The following ZNF423 variants were observed in gnomAD, a reference collection of about 807,000 sequenced individuals.
ZNF423 encodes zinc finger protein 423.
Under a neutral mutation model 95.8 loss-of-function variants are expected in ZNF423, and 12 were observed. The observed-to-expected ratio is 0.13, with a 90% CI of 0.08 to 0.20. The LOEUF (loss-of-function observed/expected upper bound fraction) is 0.20, where lower values mean the gene tolerates loss of function less well. Among genes scored for constraint, ZNF423 ranks in the 10% least tolerant of loss-of-function variants. The probability of loss-of-function intolerance (pLI) is 1.00; values close to 1 mark genes in which losing one functional copy is unlikely to be tolerated. For synonymous variants in ZNF423, 749 were observed against 711.9 expected (o/e 1.05, Z -0.83); for missense variants, 1,316 against 1,737.1 (o/e 0.76, Z 4.31).
chr16:49,679,388 G>A lies in ZNF423; in HGVS notation c.302-40514C>T, dbSNP rs529772599. Among the ~76,000 whole-genome samples, 7 of 152,334 alleles carry A rather than the reference G, an allele frequency of 4.6e-5. No homozygotes were observed. In the East Asian group the frequency reaches 1.4e-3, roughly 29 times the overall value. On this transcript the variant is annotated intron_variant, in intron 3 of 7. Transcript: ENST00000563137. ...CAGCCACCTAGCTCTTGGGAGCCTG[G>A]GAGGCCCCCCTCTCCTGTCCTCACA...
intron 2 of ZNF423, among the ~76,000 whole-genome samples, chr16:49,743,757 GC>G (rs763202559): frequency 2.6e-5 from 4 of 152,016 alleles, no homozygotes; most frequent in Non-Finnish European, 5.9e-5. Context: ...CTCCAGGTGG[GC>G]CTGGAGGGCC....
chr16:49,586,553 G>A (rs924135615), intron 5 of ZNF423, among the ~76,000 whole-genome samples: 4 of 152,220 alleles, frequency 2.6e-5, no homozygotes, highest in Admixed American at 6.5e-5. Flanking sequence ...GCATCTGCAC[G>A]AGGGAAATTA....
Position 49,714,625 on chromosome 16 carries a change from G to GAAA in ZNF423, c.301+16143_301+16145dup, listed in dbSNP as rs113583035. Among the ~76,000 whole-genome samples, 370 of 138,634 alleles carry GAAA rather than the reference G, an allele frequency of 2.7e-3. 2 individuals are homozygous for GAAA. Among genetic ancestry groups the GAAA allele is most frequent in the African/African-American group, 8.1e-3 (300 of 37,046 alleles). The allele number at this position is 138,634 out of a possible 152,430, so 90.9% of individuals were successfully genotyped here. ...CTCGCCACTGCACTCCAGCCTGGGA[G>GAAA]AAAAAAAAAAAAAACTGATGAGGCC... is the stretch of plus-strand genomic sequence containing the variant. On this transcript the variant is annotated intron_variant, in intron 3 of 7. Transcript: ENST00000563137.
intron 1 of ZNF423, among the ~76,000 whole-genome samples, chr16:49,813,752 A>T (rs1421783040): frequency 6.6e-6 from 1 of 152,184 alleles, no homozygotes; most frequent in East Asian, 1.9e-4. Flanking sequence ...TGTCACCTGC[A>T]CCACTGAACC....
At chr16:49,642,676 C>T (rs564176100) in intron 3 of ZNF423, among the ~76,000 whole-genome samples, 14 of 152,296 alleles carry the variant, frequency 9.2e-5, no homozygotes, top group African/African-American at 3.4e-4. Context: ...ATCCCACCCC[C>T]TCCAAATGCA....
At chr16:49,506,976 T>A (rs1293137003) in intron 7 of ZNF423, among the ~76,000 whole-genome samples, 4 of 151,716 alleles carry the variant, frequency 2.6e-5, no homozygotes, top group African/African-American at 9.7e-5. Flanking sequence ...GGAAGAGGAG[T>A]GCATGAATAA....
upstream of ZNF423, among the ~76,000 whole-genome samples, chr16:49,856,473 A>G (rs1256759541): frequency 6.7e-6 from 1 of 150,288 alleles, no homozygotes. Context: ...GCCGCACAAA[A>G]AAAAATAATA....
At chr16:49,815,187 G>A (rs149845326) in intron 1 of ZNF423, among the ~76,000 whole-genome samples, 1 of 152,248 alleles carries the variant, frequency 6.6e-6, no homozygotes, top group African/African-American at 2.4e-5. Context: ...CTTAGTGGGA[G>A]AATAGGCTGC....
chr16:49,510,844 G>A (rs950162828), intron 7 of ZNF423, among the ~76,000 whole-genome samples: 18 of 152,210 alleles, frequency 1.2e-4, no homozygotes, highest in Non-Finnish European at 2.2e-4. Flanking sequence ...GGAGGGGTTC[G>A]GCTCGCCACA....
chr16:49,542,143 G>C (rs1463787656), intron 5 of ZNF423, among the ~76,000 whole-genome samples: 1 of 152,180 alleles, frequency 6.6e-6, no homozygotes, highest in Non-Finnish European at 1.5e-5. Flanking sequence ...CTTCAGACCA[G>C]AGATTCCCAG....
chr16:49,801,923 A>G (rs193193614), intron 1 of ZNF423, among the ~76,000 whole-genome samples: 283 of 152,284 alleles, frequency 1.9e-3, no homozygotes, highest in African/African-American at 6.3e-3. Context: ...ATCAGAGCTC[A>G]CTGCAGCCTC....
intron 2 of ZNF423, among the ~76,000 whole-genome samples, chr16:49,742,021 T>G (rs1335766341): frequency 6.6e-6 from 1 of 152,208 alleles, no homozygotes; most frequent in Non-Finnish European, 1.5e-5. Context: ...CCTCCACATC[T>G]TCAATCAGTC....
intron 3 of ZNF423, among the ~76,000 whole-genome samples, chr16:49,676,661 C>T (rs2031062751): frequency 6.6e-6 from 1 of 152,116 alleles, no homozygotes; most frequent in Non-Finnish European, 1.5e-5. Flanking sequence ...ATGTCAACCA[C>T]TTGACACCCT....
At chr16:49,510,494 G>A (rs1255625949) in intron 7 of ZNF423, among the ~76,000 whole-genome samples, 1 of 152,200 alleles carries the variant, frequency 6.6e-6, no homozygotes, top group Non-Finnish European at 1.5e-5. Context: ...CCCTTCCCGT[G>A]AGTAGCTTCT....
intron 3 of ZNF423, among the ~76,000 whole-genome samples, chr16:49,681,759 T>C: frequency 6.6e-6 from 1 of 152,048 alleles, no homozygotes; most frequent in East Asian, 1.9e-4. Context: ...TTTCATATTA[T>C]GATTTTCTTT....
intron 3 of ZNF423, among the ~76,000 whole-genome samples, chr16:49,688,363 G>C (rs1345817904): frequency 6.6e-6 from 1 of 152,166 alleles, no homozygotes; most frequent in Non-Finnish European, 1.5e-5. Context: ...GTATCAAGGG[G>C]AGGAGCAAGA....
chr16:49,491,585 G>A (rs1302055237), intron 7 of ZNF423, among the ~76,000 whole-genome samples: 3 of 140,964 alleles, frequency 2.1e-5, no homozygotes, highest in Admixed American at 7.4e-5. Context: ...AGGTCTTACC[G>A]GGGGGACTGG....
At chr16:49,705,053 G>T (rs1183768757) in intron 3 of ZNF423, among the ~76,000 whole-genome samples, 1 of 152,202 alleles carries the variant, frequency 6.6e-6, no homozygotes, top group African/African-American at 2.4e-5. Flanking sequence ...ACTTTTAAAG[G>T]TTAAATGACA....
chr16:49,615,130 T>TCACACACA (rs61428028), intron 5 of ZNF423, among the ~76,000 whole-genome samples: 2,475 of 141,212 alleles, frequency 0.018, 62 homozygotes, highest in African/African-American at 0.052. Flanking sequence ...AAACTCCATC[T>TCACACACA]CACACACACA....
Sources: allele counts gnomAD v4.1 joint callset (sites outside exome capture counted in the v4.1 genomes callset), GRCh38; gene constraint gnomAD v4.1.1; transcripts MANE v1.5; gene names NCBI Gene and HGNC (gene_info 2026-07-23, HGNC 2026-07-21).